Variants in ADGRG2 observed in about 807,000 individuals in gnomAD.
ADGRG2 encodes adhesion G protein-coupled receptor G2.
ADGRG2 carries 26 observed loss-of-function variants against 74.1 expected under a neutral mutation model. That is an observed-to-expected ratio of 0.35 (90% CI 0.26 to 0.49). ADGRG2 has a LOEUF of 0.49. ADGRG2 is among the 20% of genes least tolerant of loss of function. The probability of loss-of-function intolerance (pLI) is 0.99; values close to 1 mark genes in which losing one functional copy is unlikely to be tolerated. For synonymous variants in ADGRG2, 296 were observed against 295.2 expected (o/e 1.00, Z -0.03); for missense variants, 619 against 763.1 (o/e 0.81, Z 2.22).
At chrX:19,104,233 C>A (rs903210244) in intron 1 of ADGRG2, among the ~76,000 whole-genome samples, 1 of 110,371 alleles carries the variant, frequency 9.1e-6, no homozygotes, top group Non-Finnish European at 1.9e-5. Flanking sequence ...GTGAGGGAGG[C>A]CTGTGGAAGG....
At chrX:19,121,581 G>A (rs1051208909) in intron 1 of ADGRG2, among the ~76,000 whole-genome samples, 1 of 110,918 alleles carries the variant, frequency 9.0e-6, no homozygotes, top group African/African-American at 3.3e-5. Context: ...CTTCCGTAGG[G>A]CCTGCCGGAT....
chrX:19,105,728 TA>T (rs200849110), intron 1 of ADGRG2, among the ~76,000 whole-genome samples: 134 of 109,280 alleles, frequency 1.2e-3, no homozygotes, highest in African/African-American at 4.1e-3. Context: ...TAAAGTATAA[TA>T]AAAAAAATTT....
intron 3 of ADGRG2, among the ~76,000 whole-genome samples, chrX:19,042,757 G>C (rs1377397778): frequency 6.3e-5 from 7 of 111,046 alleles, no homozygotes; most frequent in African/African-American, 2.3e-4. Flanking sequence ...TTAGGAGGCC[G>C]AGGTGGGAGG....
chrX:19,118,308 C>G (rs1409162743), intron 1 of ADGRG2, among the ~76,000 whole-genome samples: 3 of 112,468 alleles, frequency 2.7e-5, no homozygotes, highest in African/African-American at 9.7e-5. Flanking sequence ...GATAAATGTA[C>G]AGAAAAACAA....
chrX:19,104,387 G>A (rs1206416166), intron 1 of ADGRG2, among the ~76,000 whole-genome samples: 2 of 111,204 alleles, frequency 1.8e-5, no homozygotes, highest in Non-Finnish European at 3.8e-5. Context: ...AATCAACTCT[G>A]TTGACCAGAT....
intron 2 of ADGRG2, among the ~76,000 whole-genome samples, chrX:19,075,253 A>C (rs564627189): frequency 2.4e-4 from 27 of 110,369 alleles, no homozygotes; most frequent in South Asian, 1.1e-3. Flanking sequence ...AAATGAAAAA[A>C]AAAAACAAAA....
At chrX:19,025,124 G>A (rs1479437741) in intron 11 of ADGRG2, among the ~76,000 whole-genome samples, 1 of 111,631 alleles carries the variant, frequency 9.0e-6, no homozygotes, top group Non-Finnish European at 1.9e-5. Flanking sequence ...GCTGCAGTCC[G>A]GTTTAATTGC....
chrX:19,104,955 T>C (rs1405580427), intron 1 of ADGRG2, among the ~76,000 whole-genome samples: 4 of 104,272 alleles, frequency 3.8e-5, no homozygotes, highest in African/African-American at 1.4e-4. Context: ...ACTCCAAGGC[T>C]GGGCGTGGTG....
At chrX:19,110,710 A>C (rs189474264) in intron 1 of ADGRG2, among the ~76,000 whole-genome samples, 76 of 109,899 alleles carry the variant, frequency 6.9e-4, no homozygotes, top group East Asian at 1.1e-3. Context: ...AACAAACAAA[A>C]AAAAAAAACA....
At chrX:19,048,232 G>A (rs1205512538) in intron 3 of ADGRG2, among the ~76,000 whole-genome samples, 4 of 112,139 alleles carry the variant, frequency 3.6e-5, no homozygotes, top group Non-Finnish European at 5.6e-5. Flanking sequence ...TAAATGCCCC[G>A]AAATAAAATG....
intron 28 of ADGRG2, among the ~76,000 whole-genome samples, chrX:18,992,238 C>T (rs913768635): frequency 5.3e-4 from 60 of 112,701 alleles, no homozygotes; most frequent in African/African-American, 1.8e-3. Context: ...GGCTTGAGGA[C>T]ATTTTGGTGC....
At position 19,015,198 on chromosome X, in the gene ADGRG2, C is replaced by T. The variant is rs1027214376; in HGVS notation, c.711-1124G>A. Among the ~76,000 whole-genome samples the T allele has an allele frequency of 5.4e-5, 6 of 111,718 alleles. No individual in the cohort carries two copies. The Admixed American group carries it at 5.7e-4, about 11-fold the overall frequency. Reference sequence around the variant, plus strand: ...AGGAAGCCTCTGATCGATCTAGTGTCAGATGGAGACTTAGAACACCAACAA... The same window carrying T: ...AGGAAGCCTCTGATCGATCTAGTGTTAGATGGAGACTTAGAACACCAACAA... On this transcript the variant is annotated intron_variant, in intron 15 of 28. Transcript: ENST00000379869.
At chrX:19,109,645 T>C (rs1199752660) in intron 1 of ADGRG2, among the ~76,000 whole-genome samples, 1 of 111,920 alleles carries the variant, frequency 8.9e-6, no homozygotes. Context: ...AATGATACTA[T>C]TAACAAAGGC....
intron 2 of ADGRG2, among the ~76,000 whole-genome samples, chrX:19,075,407 A>G (rs990715855): frequency 1.6e-4 from 18 of 109,990 alleles, no homozygotes; most frequent in African/African-American, 5.9e-4. Context: ...ACTTGAGGCC[A>G]GGAGTTCGAG....
chrX:19,026,121 T>C (rs1601925643), intron 11 of ADGRG2, among the ~76,000 whole-genome samples: 1 of 112,167 alleles, frequency 8.9e-6, no homozygotes, highest in Middle Eastern at 4.6e-3. Flanking sequence ...CCTAGGGATG[T>C]TTGCTATCTG....
At chrX:19,016,788 T>C (rs5955514) in intron 15 of ADGRG2, among the ~76,000 whole-genome samples, 29,632 of 100,942 alleles carry the variant, frequency 0.29, 5,445 homozygotes, top group African/African-American at 0.63. Context: ...TGCAGTGACA[T>C]GATCATGACT....
intron 1 of ADGRG2, among the ~76,000 whole-genome samples, chrX:19,121,086 G>A (rs1274285079): frequency 2.7e-5 from 3 of 111,395 alleles, no homozygotes; most frequent in African/African-American, 6.5e-5. Context: ...AGGTCTGAAA[G>A]AAACATTTAC....
intron 27 of ADGRG2, among the ~76,000 whole-genome samples, chrX:18,995,763 G>T (rs1429474537): frequency 1.8e-5 from 2 of 112,336 alleles, no homozygotes; most frequent in Non-Finnish European, 3.8e-5. Flanking sequence ...GAAATGAAAA[G>T]CATAATCTCA....
chrX:19,025,404 G>A (rs947328013), intron 11 of ADGRG2, among the ~76,000 whole-genome samples: 2 of 111,200 alleles, frequency 1.8e-5, no homozygotes, highest in African/African-American at 3.3e-5. Flanking sequence ...AACCAGGGAT[G>A]AGAAACATTG....
Sources: allele counts gnomAD v4.1 joint callset (sites outside exome capture counted in the v4.1 genomes callset), GRCh38; gene constraint gnomAD v4.1.1; transcripts MANE v1.5; gene names NCBI Gene and HGNC (gene_info 2026-07-23, HGNC 2026-07-21).